Variants in PPARG observed in about 807,000 individuals in gnomAD.
PPARG encodes the protein peroxisome proliferator-activated receptor gamma.
A neutral mutation model predicts 39.2 loss-of-function variants in PPARG; 17 were observed. The ratio of observed to expected loss-of-function variants is 0.43; its 90% CI spans 0.30 to 0.65. The LOEUF (loss-of-function observed/expected upper bound fraction) is 0.65. PPARG is among the 30% of genes least tolerant of loss of function. The pLI is 0.13. For missense variants in PPARG, 406 were observed against 585.9 expected, an observed-to-expected ratio of 0.69 and a Z score of 3.17; for synonymous variants, 223 against 215.7, an observed-to-expected ratio of 1.03 and a Z score of -0.30.
At chr3:12,292,674 A>C (rs1015430045) in intron 1 of PPARG, among the ~76,000 whole-genome samples, 1 of 152,206 alleles carries the variant, frequency 6.6e-6, no homozygotes, top group African/African-American at 2.4e-5. Flanking sequence ...TATTGTTGTG[A>C]AGTGTCTCCT....
intron 1 of PPARG, among the ~76,000 whole-genome samples, chr3:12,290,313 G>A (rs1207863710): frequency 2.6e-5 from 4 of 151,744 alleles, no homozygotes; most frequent in African/African-American, 7.3e-5. Context: ...AAGACTTTTT[G>A]GATGTCGTTT....
intron 2 of PPARG, among the ~76,000 whole-genome samples, chr3:12,339,872 A>G (rs947491081): frequency 6.6e-5 from 10 of 152,296 alleles, no homozygotes; most frequent in Admixed American, 1.3e-4. Flanking sequence ...TCAGCATGGC[A>G]TATGTGGCAT....
intron 4 of PPARG, among the ~76,000 whole-genome samples, chr3:12,391,566 C>T (rs1197790412): frequency 2.0e-5 from 3 of 152,082 alleles, no homozygotes; most frequent in African/African-American, 4.8e-5. Flanking sequence ...GATGGCGTTG[C>T]GTCTGCTGAG....
rs143091343 is a variant in PPARG, at chr3:12,312,677, A to C, written c.-9+224A>C. Reference sequence around the variant, plus strand: ...ATAGGAAAATGACCTAGAAGTTGAGAAATAACTCAAATCCTTAAAAATGAA... The same window carrying C: ...ATAGGAAAATGACCTAGAAGTTGAGCAATAACTCAAATCCTTAAAAATGAA... On this transcript the variant is annotated intron_variant, in intron 2 of 7. Transcript: ENST00000651735. Among the ~76,000 whole-genome samples, 13 of 152,346 alleles carry C rather than the reference A, an allele frequency of 8.5e-5. No individual in the cohort carries two copies. The East Asian group carries it at 2.1e-3, about 25-fold the overall frequency.
intron 2 of PPARG, among the ~76,000 whole-genome samples, chr3:12,326,045 A>C (rs955588074): frequency 6.6e-6 from 1 of 152,192 alleles, no homozygotes; most frequent in Admixed American, 6.5e-5. Flanking sequence ...AAGAAAAAGA[A>C]AACCACAAGA....
At chr3:12,410,468 C>G (rs189026189) in intron 6 of PPARG, among the ~76,000 whole-genome samples, 1 of 152,158 alleles carries the variant, frequency 6.6e-6, no homozygotes, top group Non-Finnish European at 1.5e-5. Flanking sequence ...AATAGAAAAG[C>G]GCTTGATGTA....
chr3:12,413,527 G>A (rs940514893), intron 6 of PPARG, among the ~76,000 whole-genome samples: 1 of 152,162 alleles, frequency 6.6e-6, no homozygotes, highest in Non-Finnish European at 1.5e-5. Context: ...GCTGGAATGG[G>A]GCCGGGCATG....
At chr3:12,367,915 A>G (rs182745744) in intron 2 of PPARG, among the ~76,000 whole-genome samples, 1 of 151,612 alleles carries the variant, frequency 6.6e-6, no homozygotes, top group African/African-American at 2.4e-5. Flanking sequence ...AATAAAAAAC[A>G]TGGTCTTTCT....
rs1340767347 is a variant in PPARG at position 12,310,503 on chromosome 3, G to A, written c.-82-1877G>A. Reference sequence around the variant, plus strand: ...TTTTGAGACAGAGTCTCGCTCTGTCGCCCAGGCTGGAGTGCAGTGGCGGGA... The same window carrying A: ...TTTTGAGACAGAGTCTCGCTCTGTCACCCAGGCTGGAGTGCAGTGGCGGGA... On this transcript the variant is annotated intron_variant, in intron 1 of 7. Transcript: ENST00000651735. Among the ~76,000 whole-genome samples the A allele has an allele frequency of 1.1e-4, 7 of 61,324 alleles. 1 individual carries two copies. Among genetic ancestry groups the A allele is most frequent in the Admixed American group, 2.9e-4 (1 of 3,504 alleles). The allele number at this position is 61,324 out of a possible 152,430, so 40.2% of individuals were successfully genotyped here.
rs150634713 is a variant in PPARG, at chr3:12,318,352, A to G, written c.-9+5899A>G. Among the ~76,000 whole-genome samples the G allele has an allele frequency of 2.0e-5, 3 of 152,312 alleles. 1 individual carries two copies. In the East Asian group the frequency reaches 5.8e-4, roughly 29 times the overall value. ...GTGCTGTGGGTCCCTTACCACCTTT[A>G]AGTCTAAGTTGCTAGTTATTAGGAA... On this transcript the variant is annotated intron_variant, in intron 2 of 7. Coordinates refer to ENST00000651735, the MANE Select transcript of PPARG (RefSeq NM_138711.6).
At chr3:12,417,252 CT>C (rs1162274820) in intron 7 of PPARG, 98 bp downstream of exon 7, 24 of 1,195,300 alleles carry the variant, frequency 2.0e-5, no homozygotes, top group Non-Finnish European at 2.9e-5. Context: ...TGCATTGTCA[CT>C]TTAAGTGCCA....
intron 1 of PPARG, among the ~76,000 whole-genome samples, chr3:12,292,691 G>C (rs2046676079): frequency 6.6e-6 from 1 of 152,186 alleles, no homozygotes; most frequent in South Asian, 2.1e-4. Flanking sequence ...TCCTGCTTAA[G>C]AAAGTAAGGG....
In PPARG at chr3:12,417,887, T is replaced by TTTC. The variant is rs1491343126; in HGVS notation, c.1180+733_1180+734insTTC. On this transcript the variant is annotated intron_variant, in intron 7 of 7. Coordinates refer to ENST00000651735, the MANE Select transcript of PPARG (RefSeq NM_138711.6). ...GAGTGTGACTTTTTTCTTTTTTTTT[T>TTTC]CTTTTTTTTTTTTCCTTTTTTTTTT... 4.4e-3 allele frequency among the ~76,000 whole-genome samples: 573 copies of TTTC among 129,950 alleles called. 7 individuals are homozygous for TTTC. Among genetic ancestry groups the TTTC allele is most frequent in the African/African-American group, 0.016 (535 of 32,552 alleles). The allele number at this position is 129,950 out of a possible 152,430, so 85.3% of individuals were successfully genotyped here.
chr3:12,351,577 C>G (rs1291616859), intron 2 of PPARG: 2 of 1,571,872 alleles, frequency 1.3e-6, no homozygotes, highest in African/African-American at 2.7e-5. Context: ...ACAGCAAACC[C>G]CTATTCCATG....
chr3:12,394,044 T>C (rs2050174155), intron 5 of PPARG, among the ~76,000 whole-genome samples: 1 of 152,214 alleles, frequency 6.6e-6, no homozygotes, highest in Admixed American at 6.5e-5. Context: ...GCAAAATAAT[T>C]TGCTGGTTCA....
At chr3:12,315,077 T>C (rs1325195840) in intron 2 of PPARG, among the ~76,000 whole-genome samples, 1 of 152,216 alleles carries the variant, frequency 6.6e-6, no homozygotes, top group Non-Finnish European at 1.5e-5. Context: ...TGTATCTAAC[T>C]GTAGTTTTGT....
intron 2 of PPARG, among the ~76,000 whole-genome samples, chr3:12,315,196 G>A (rs745859003): frequency 1.1e-4 from 17 of 152,160 alleles, no homozygotes; most frequent in Non-Finnish European, 2.1e-4. Flanking sequence ...ATATGAGTGA[G>A]AACATGTGGT....
At chr3:12,364,282 A>C (rs2048946265) in intron 2 of PPARG, among the ~76,000 whole-genome samples, 1 of 152,178 alleles carries the variant, frequency 6.6e-6, no homozygotes, top group African/African-American at 2.4e-5. Flanking sequence ...CGCTTCCCAG[A>C]ATATCATATA....
chr3:12,380,352 A>AT (rs1346418474), intron 3 of PPARG, among the ~76,000 whole-genome samples: 1 of 152,084 alleles, frequency 6.6e-6, no homozygotes, highest in Non-Finnish European at 1.5e-5. Flanking sequence ...ACTACAGTAC[A>AT]TTTTTTCTAG....
Sources: gnomAD v4.1 joint callset for allele counts (sites outside exome capture counted in the v4.1 genomes callset) on GRCh38, gnomAD v4.1.1 for gene constraint, MANE v1.5 for transcripts, NCBI Gene and HGNC (gene_info 2026-07-23, HGNC 2026-07-21) for gene names.